Variants in TTLL5 observed in about 807,000 individuals in gnomAD.
The protein encoded by TTLL5 is tubulin polyglutamylase TTLL5.
A neutral mutation model predicts 168.4 loss-of-function variants in TTLL5; 132 were observed. The observed-to-expected ratio is 0.78, with a 90% CI of 0.68 to 0.91. The LOEUF is 0.91. Ranked by LOEUF, TTLL5 falls within the 40% of genes least tolerant of loss-of-function variation. TTLL5 has a pLI of 0.00. For synonymous variants in TTLL5, 546 were observed against 558.6 expected (o/e 0.98, Z 0.32); for missense variants, 1,545 against 1,581.5 (o/e 0.98, Z 0.39).
chr14:75,936,181 G>A (rs543966847), intron 31 of TTLL5, among the ~76,000 whole-genome samples: 1 of 151,910 alleles, frequency 6.6e-6, no homozygotes, highest in African/African-American at 2.4e-5. Context: ...ACAATCATAT[G>A]AGAAATACTT....
At chr14:75,869,963 G>A (rs1247255899) in intron 29 of TTLL5, among the ~76,000 whole-genome samples, 1 of 151,798 alleles carries the variant, frequency 6.6e-6, no homozygotes, top group African/African-American at 2.4e-5. Flanking sequence ...GGGACTACAG[G>A]CGCACACCAC....
intron 9 of TTLL5, among the ~76,000 whole-genome samples, chr14:75,716,856 A>G (rs1427779620): frequency 1.3e-5 from 2 of 152,156 alleles, no homozygotes; most frequent in Non-Finnish European, 2.9e-5. Flanking sequence ...CGGGATATCA[A>G]ATTGCTACCC....
At chr14:75,668,068 A>G (rs1056167695) in intron 2 of TTLL5, among the ~76,000 whole-genome samples, 1 of 151,902 alleles carries the variant, frequency 6.6e-6, no homozygotes, top group Admixed American at 6.6e-5. Context: ...CCGAGTGTGG[A>G]TCTTTTTAAA....
At chr14:75,925,800 G>A (rs1463093618) in intron 31 of TTLL5, among the ~76,000 whole-genome samples, 1 of 152,034 alleles carries the variant, frequency 6.6e-6, no homozygotes, top group African/African-American at 2.4e-5. Context: ...TGCAATCCCG[G>A]CACCTCGGGA....
At chr14:75,688,710 G>A (rs1566814990) in intron 5 of TTLL5, among the ~76,000 whole-genome samples, 1 of 152,116 alleles carries the variant, frequency 6.6e-6, no homozygotes, top group Non-Finnish European at 1.5e-5. Flanking sequence ...TGAATTAGAG[G>A]ACACCCACTG....
chr14:75,903,827 C>T (rs1326864637), intron 31 of TTLL5, among the ~76,000 whole-genome samples: 1 of 150,552 alleles, frequency 6.6e-6, no homozygotes, highest in Non-Finnish European at 1.5e-5. Flanking sequence ...CCCAGGAATT[C>T]AAGGCTGCAG....
intron 3 of TTLL5, among the ~76,000 whole-genome samples, chr14:75,670,704 T>C (rs1883671971): frequency 6.6e-6 from 1 of 152,242 alleles, no homozygotes; most frequent in Non-Finnish European, 1.5e-5. Flanking sequence ...TTTGGCCATT[T>C]GTGTATTTTC....
chr14:75,682,702 T>C (rs977195752), intron 4 of TTLL5, among the ~76,000 whole-genome samples: 2 of 151,674 alleles, frequency 1.3e-5, no homozygotes, highest in African/African-American at 4.8e-5. Context: ...TTTGTGACAG[T>C]TGATAAAAGT....
chr14:75,787,678 G>A, intron 26 of TTLL5, among the ~76,000 whole-genome samples: 1 of 152,152 alleles, frequency 6.6e-6, no homozygotes, highest in East Asian at 1.9e-4. Context: ...ATAGGACCGT[G>A]TACCCAATAA....
At chr14:75,795,156 T>C (rs1385443361) in intron 27 of TTLL5, among the ~76,000 whole-genome samples, 2 of 152,240 alleles carry the variant, frequency 1.3e-5, no homozygotes, top group Non-Finnish European at 2.9e-5. Context: ...ACTGACTAGC[T>C]GTGTGATCTT....
At chr14:75,861,987 G>A (rs2030043806) in intron 28 of TTLL5, among the ~76,000 whole-genome samples, 1 of 152,154 alleles carries the variant, frequency 6.6e-6, no homozygotes, top group Non-Finnish European at 1.5e-5. Context: ...CTGAAGCTCT[G>A]TACTCACTGA....
At chr14:75,763,572 C>T (rs1240627528) in intron 18 of TTLL5, among the ~76,000 whole-genome samples, 1 of 152,142 alleles carries the variant, frequency 6.6e-6, no homozygotes, top group Non-Finnish European at 1.5e-5. Context: ...ACTTTGAGTT[C>T]TAGAGAGTTC....
chr14:75,757,329 C>T (rs1876374854), intron 18 of TTLL5, among the ~76,000 whole-genome samples: 1 of 152,000 alleles, frequency 6.6e-6, no homozygotes, highest in African/African-American at 2.4e-5. Context: ...TGATGAGCAT[C>T]CCTTTTGAAC....
chr14:75,715,825 G>A (rs1182076583), intron 9 of TTLL5, among the ~76,000 whole-genome samples: 1 of 148,546 alleles, frequency 6.7e-6, no homozygotes, highest in South Asian at 2.1e-4. Flanking sequence ...TTTTTTAGAT[G>A]TGCAGCCCTC....
At chr14:75,920,044 C>A (rs1047204978) in intron 31 of TTLL5, among the ~76,000 whole-genome samples, 1 of 152,110 alleles carries the variant, frequency 6.6e-6, no homozygotes, top group Non-Finnish European at 1.5e-5. Flanking sequence ...AATGCTTGAG[C>A]CCAGGAAGTG....
At chr14:75,895,786 A>T (rs929458696) in intron 30 of TTLL5, among the ~76,000 whole-genome samples, 1 of 152,210 alleles carries the variant, frequency 6.6e-6, no homozygotes, top group Non-Finnish European at 1.5e-5. Flanking sequence ...GAGTAAACTA[A>T]TTAAAATATA....
rs771122308 is a variant in TTLL5 at position 75,954,463 on chromosome 14, G to A, written c.*17G>A. On this transcript the variant is annotated 3_prime_UTR_variant, in exon 32 of 32. Transcript: ENST00000298832. ...AAAATATGAACCACAAACACACAGA[G>A]AAACAACCTGTTCACCACTCCTGGG... 5 of 1,613,444 alleles carry A rather than the reference G, an allele frequency of 3.1e-6. No individual in the cohort carries two copies. The highest frequency in any genetic ancestry group is 4.2e-6 in the Non-Finnish European group (5 of 1,179,714).
At chr14:75,921,940 A>G (rs1356511297) in intron 31 of TTLL5, among the ~76,000 whole-genome samples, 2 of 152,144 alleles carry the variant, frequency 1.3e-5, no homozygotes, top group Non-Finnish European at 2.9e-5. Flanking sequence ...GAGGTCCTTC[A>G]CATTCCTTGT....
chr14:75,792,937 A>G lies in TTLL5; in HGVS notation c.3008A>G (p.His1003Arg). 1 of 1,609,856 alleles carries G rather than the reference A, an allele frequency of 6.2e-7. No homozygotes were observed. The highest frequency in any genetic ancestry group is 8.5e-7 in the Non-Finnish European group (1 of 1,177,294). ...GCAGGATCGTGCTATCTAAACAAGCATCATTCAGGAATAGCCAAAACACAA... is the reference window on the plus strand; with the variant it reads ...GCAGGATCGTGCTATCTAAACAAGCGTCATTCAGGAATAGCCAAAACACAA... The part of the protein sequence containing the change: ...AKAGSCYLNK[H>R]HSGIAKTQKE... Residue 1003 changes from histidine to arginine, a missense_variant, in exon 27 of 32, where the codon CAT (histidine) becomes CGT (arginine). Coordinates refer to ENST00000298832, the MANE Select transcript of TTLL5 (RefSeq NM_015072.5).
Sources: allele counts gnomAD v4.1 joint callset (sites outside exome capture counted in the v4.1 genomes callset), GRCh38; gene constraint gnomAD v4.1.1; transcripts MANE v1.5; gene names NCBI Gene and HGNC (gene_info 2026-07-23, HGNC 2026-07-21).